FHOD3: variants seen among roughly 807,000 people sequenced by gnomAD.
The protein encoded by FHOD3 is FH1/FH2 domain-containing protein 3.
Under a neutral mutation model 173.0 loss-of-function variants are expected in FHOD3, and 90 were observed. The ratio of observed to expected loss-of-function variants is 0.52; its 90% CI spans 0.44 to 0.62. The LOEUF (loss-of-function observed/expected upper bound fraction) is 0.62. FHOD3 is among the 20% of genes least tolerant of loss of function. The pLI, the probability that FHOD3 is intolerant of heterozygous loss-of-function variation, is 0.00. For synonymous variants in FHOD3, 828 were observed against 823.0 expected (o/e 1.01, Z -0.10); for missense variants, 1,945 against 2,034.7 (o/e 0.96, Z 0.85).
At chr18:36,759,340 A>T (rs539334436) in intron 26 of FHOD3, among the ~76,000 whole-genome samples, 199 bp downstream of exon 26, 11 of 152,314 alleles carry the variant, frequency 7.2e-5, no homozygotes, top group Non-Finnish European at 1.5e-4. Flanking sequence ...CAGGGACTGA[A>T]GGGTTAAATG....
At position 36,763,640 on chromosome 18, in the gene FHOD3, A is replaced by G. The variant is rs1047120969; in HGVS notation, c.4624+2858A>G. Among the ~76,000 whole-genome samples, 5 of 148,726 alleles carry G rather than the reference A, an allele frequency of 3.4e-5. 1 individual carries two copies. Among genetic ancestry groups the G allele is most frequent in the Admixed American group, 2.7e-4 (4 of 14,796 alleles). On this transcript the variant is annotated intron_variant, in intron 27 of 28. Coordinates refer to ENST00000590592, the MANE Select transcript of FHOD3 (RefSeq NM_001281740.3). ...GTATTATACACGTTATATATAATAT[A>G]TGTGTATTATACACGTTATATATAA...
intron 9 of FHOD3, among the ~76,000 whole-genome samples, chr18:36,612,666 T>A (rs1186620668): frequency 2.0e-5 from 3 of 152,236 alleles, no homozygotes; most frequent in Non-Finnish European, 4.4e-5. Flanking sequence ...AAAATTAAAA[T>A]TTAAAATTAT....
chr18:36,462,972 T>C (rs1229522042), intron 3 of FHOD3, among the ~76,000 whole-genome samples: 1 of 152,168 alleles, frequency 6.6e-6, no homozygotes, highest in African/African-American at 2.4e-5. Context: ...TAAAATAATT[T>C]ATATGAAATT....
chr18:36,422,761 G>A (rs961295636), intron 3 of FHOD3, among the ~76,000 whole-genome samples: 6 of 152,268 alleles, frequency 3.9e-5, no homozygotes, highest in Middle Eastern at 3.4e-3. Flanking sequence ...ACGTTAATTA[G>A]CGTCCTTAAG....
intron 13 of FHOD3, 53 bp downstream of exon 13, chr18:36,653,469 A>T: frequency 1.6e-6 from 2 of 1,283,558 alleles, no homozygotes; most frequent in Non-Finnish European, 2.1e-6. Flanking sequence ...TTTATATTCT[A>T]ATGTATGCAT....
At chr18:36,582,425 C>T (rs2058885382) in intron 6 of FHOD3, among the ~76,000 whole-genome samples, 4 of 152,236 alleles carry the variant, frequency 2.6e-5, no homozygotes, top group Admixed American at 2.6e-4. Context: ...TCCCATTCCT[C>T]ATACTTCTAG....
intron 19 of FHOD3, among the ~76,000 whole-genome samples, chr18:36,721,485 A>G (rs1356669912): frequency 6.6e-6 from 1 of 152,078 alleles, no homozygotes; most frequent in African/African-American, 2.4e-5. Flanking sequence ...TATAAAATGT[A>G]CACACACGCA....
chr18:36,467,833 T>C (rs2053035138), intron 3 of FHOD3, among the ~76,000 whole-genome samples: 1 of 152,222 alleles, frequency 6.6e-6, no homozygotes, highest in South Asian at 2.1e-4. Context: ...TCGACATGAA[T>C]GCTCCTGTGC....
chr18:36,586,058 C>G (rs1795404708), intron 6 of FHOD3, among the ~76,000 whole-genome samples: 1 of 152,210 alleles, frequency 6.6e-6, no homozygotes, highest in African/African-American at 2.4e-5. Flanking sequence ...CTTCTAACAG[C>G]ACATTTGCCA....
chr18:36,748,997 T>TA (rs199646719), intron 24 of FHOD3, among the ~76,000 whole-genome samples: 2,962 of 141,482 alleles, frequency 0.021, 81 homozygotes, highest in African/African-American at 0.08. Context: ...GAAAGGACCC[T>TA]ATTCAGGGCC....
At chr18:36,355,211 C>G (rs993852558) in intron 1 of FHOD3, among the ~76,000 whole-genome samples, 1 of 152,096 alleles carries the variant, frequency 6.6e-6, no homozygotes, top group African/African-American at 2.4e-5. Flanking sequence ...ATCGTGATCT[C>G]GATTTCCACT....
intron 3 of FHOD3, among the ~76,000 whole-genome samples, chr18:36,418,744 T>C (rs911513217): frequency 2.6e-5 from 4 of 151,978 alleles, no homozygotes; most frequent in Non-Finnish European, 1.5e-5. Context: ...GTGAAACCTG[T>C]CTCTAATAAA....
At chr18:36,661,126 A>G (rs961329391) in intron 14 of FHOD3, among the ~76,000 whole-genome samples, 2 of 152,138 alleles carry the variant, frequency 1.3e-5, no homozygotes, top group Admixed American at 6.5e-5. Context: ...GTGGGGGAAA[A>G]AAAAAAAGAA....
chr18:36,701,196 C>T (rs2039569055), intron 17 of FHOD3, among the ~76,000 whole-genome samples: 1 of 152,132 alleles, frequency 6.6e-6, no homozygotes, highest in South Asian at 2.1e-4. Flanking sequence ...TTCCTCTCTA[C>T]CCAGGAAGAA....
intron 3 of FHOD3, among the ~76,000 whole-genome samples, chr18:36,433,890 A>T (rs1165671122): frequency 6.6e-6 from 1 of 152,168 alleles, no homozygotes; most frequent in East Asian, 1.9e-4. Context: ...TGACAATATG[A>T]TGAGTTTAGA....
chr18:36,590,780 C>G (rs2059189554), intron 6 of FHOD3, among the ~76,000 whole-genome samples: 1 of 151,990 alleles, frequency 6.6e-6, no homozygotes, highest in Non-Finnish European at 1.5e-5. Context: ...ATGTTGAGAC[C>G]AATAGAAAAA....
At chr18:36,327,540 A>C (rs1297046995) in intron 1 of FHOD3, among the ~76,000 whole-genome samples, 1 of 152,220 alleles carries the variant, frequency 6.6e-6, no homozygotes, top group Admixed American at 6.5e-5. Flanking sequence ...CACTTCACTG[A>C]TAAAGAAGAA....
chr18:36,444,222 A>T (rs1302697778), intron 3 of FHOD3, among the ~76,000 whole-genome samples: 4 of 151,278 alleles, frequency 2.6e-5, no homozygotes, highest in Non-Finnish European at 5.9e-5. Flanking sequence ...AGAATTGTAA[A>T]TTTTTTTCAA....
intron 1 of FHOD3, among the ~76,000 whole-genome samples, chr18:36,340,932 C>T (rs559115115): frequency 3.6e-4 from 55 of 152,282 alleles, no homozygotes; most frequent in African/African-American, 1.3e-3. Flanking sequence ...CCACCGCGCC[C>T]GGCCAGTCTC....
Sources: gnomAD v4.1 joint callset for allele counts (sites outside exome capture counted in the v4.1 genomes callset) on GRCh38, gnomAD v4.1.1 for gene constraint, MANE v1.5 for transcripts, NCBI Gene and HGNC (gene_info 2026-07-23, HGNC 2026-07-21) for gene names.